RPL31: variants seen among roughly 807,000 people sequenced by gnomAD.
RPL31 encodes the protein ribosomal protein L31, also known as large ribosomal subunit protein eL31.
For missense variants in RPL31, 95 were observed against 164.0 expected (o/e 0.58, Z 2.30); for synonymous variants, 51 against 55.0 (o/e 0.93, Z 0.32).
chr2:101,019,102 A>C (rs981842181), exon 5 of RPL31: 3 of 1,571,372 alleles, frequency 1.9e-6, no homozygotes, highest in Non-Finnish European at 2.6e-6. Flanking sequence ...CCTGAGCTGC[A>C]GCAGATGCCT....
rs1417660858 is a variant in RPL31, at chr2:101,002,719, G to A, written c.18G>A (p.Lys6=). 2 of 1,614,114 alleles carry A rather than the reference G, an allele frequency of 1.2e-6. No individual in the cohort carries two copies. Among genetic ancestry groups the A allele is most frequent in the Admixed American group, 1.7e-5 (1 of 60,028 alleles). The part of the protein sequence containing the change: MAPAK[K]GGEKKKGRSA... ...GCATTTAGATGGCTCCCGCAAAGAA[G>A]GGTGGCGAGAAGAAAAAGGGCCGTT... is the stretch of plus-strand genomic sequence containing the variant. Residue 6 remains lysine, a synonymous_variant, in exon 2 of 5, where the codon AAG becomes AAA. Coordinates refer to ENST00000264258, the MANE Select transcript of RPL31 (RefSeq NM_000993.5).
downstream of RPL31, among the ~76,000 whole-genome samples, chr2:101,011,959 G>T (rs1404157506): frequency 1.3e-5 from 2 of 152,182 alleles, no homozygotes; most frequent in African/African-American, 4.8e-5. Context: ...TTTCAGGATA[G>T]TATTTCTCTA....
chr2:101,008,252 T>G, downstream of RPL31: 1 of 1,551,264 alleles, frequency 6.4e-7, no homozygotes, highest in South Asian at 1.2e-5. Flanking sequence ...TACAGAGTTT[T>G]ACAGAACTGG....
chr2:101,004,287 C>T lies in RPL31; in HGVS notation c.233+4C>T, dbSNP rs770477816. 2.5e-6 allele frequency: 4 copies of T among 1,613,744 alleles called. No homozygotes were observed. The East Asian group carries it at 6.7e-5, about 27-fold the overall frequency. On this transcript the variant is annotated splice_donor_region_variant and intron_variant, in intron 3 of 4. Coordinates refer to ENST00000264258, the MANE Select transcript of RPL31 (RefSeq NM_000993.5). The stretch of plus-strand genomic sequence containing the variant: ...CTGTCTGGGCCAAAGGAATAAGGTG[C>T]TAAAGTTATCTGTATTCGAAGGTGA...
At position 101,006,602 on chromosome 2, in the gene RPL31, A is replaced by C. The variant is rs937503079; in HGVS notation, c.*221A>C. 9 of 452,636 alleles carry C rather than the reference A, an allele frequency of 2.0e-5. No individual in the cohort carries two copies. In the Admixed American group the frequency reaches 3.3e-4, roughly 17 times the overall value. The allele number at this position is 452,636 out of a possible 1,614,324, so 28.0% of individuals were successfully genotyped here. ...AGAACCACTGTTCTGGGTAGTTGGG[A>C]TACTGAAGGCATATTGTTAATTATT... is the stretch of plus-strand genomic sequence containing the variant. On this transcript the variant is annotated 3_prime_UTR_variant, in exon 5 of 5. Coordinates refer to ENST00000264258, the MANE Select transcript of RPL31 (RefSeq NM_000993.5).
chr2:101,009,030 G>A (rs1678969699), downstream of RPL31, among the ~76,000 whole-genome samples: 1 of 152,178 alleles, frequency 6.6e-6, no homozygotes, highest in South Asian at 2.1e-4. Context: ...TGCTGAAATT[G>A]AGAATACGTA....
In RPL31 at chr2:101,019,019, C is replaced by A. The variant is rs764153043; in HGVS notation, c.368C>A (p.Thr123Lys). ...CTAGTTTCTGTGCTAAACAGTGTTA[C>A]AGTCGCCAAGAGCCCATAAAGGGAG... The change falls in exon 5 of 5, where the codon ACA becomes AAA. Residue 123 changes from threonine (T) to lysine (K), a missense_variant. By Grantham distance (78) the Thr-to-Lys change is moderately conservative. Coordinates refer to the RPL31 transcript ENST00000409028. 18 of 1,612,410 alleles carry A rather than the reference C, an allele frequency of 1.1e-5. 1 individual carries two copies. The South Asian group carries it at 1.7e-4, about 15-fold the overall frequency.
chr2:101,011,621 T>C (rs537620745), downstream of RPL31: 1,821 of 1,468,340 alleles, frequency 1.2e-3, 19 homozygotes, highest in Middle Eastern at 0.01. Context: ...TCTAGGCAAC[T>C]AAAGGCTAAG....
intron 4 of RPL31, among the ~76,000 whole-genome samples, chr2:101,015,814 C>G (rs78524330): frequency 6.6e-6 from 1 of 152,264 alleles, no homozygotes; most frequent in South Asian, 2.1e-4. Flanking sequence ...GAAAAACAAG[C>G]AATGGGGAAA....
chr2:101,007,566 A>T (rs915130003), downstream of RPL31: 8 of 485,204 alleles, frequency 1.6e-5, no homozygotes, highest in Admixed American at 3.6e-5. Context: ...AGAAGTGCCC[A>T]TTTCAGCAAA....
At chr2:101,017,368 A>C (rs951904589) in intron 4 of RPL31, among the ~76,000 whole-genome samples, 1 of 152,192 alleles carries the variant, frequency 6.6e-6, no homozygotes, top group African/African-American at 2.4e-5. Flanking sequence ...ACCCAGTATT[A>C]GGTGTTACAT....
intron 4 of RPL31, among the ~76,000 whole-genome samples, chr2:101,014,450 G>C (rs116258953): frequency 7.1e-4 from 108 of 152,250 alleles, no homozygotes; most frequent in African/African-American, 2.6e-3. Flanking sequence ...TTTGTGCCCT[G>C]TGAGATGCTG....
chr2:101,016,264 G>T (rs1254801130), intron 4 of RPL31, among the ~76,000 whole-genome samples: 1 of 152,124 alleles, frequency 6.6e-6, no homozygotes, highest in Non-Finnish European at 1.5e-5. Flanking sequence ...GTAGGCAAAG[G>T]ATATGAACAG....
At chr2:101,018,794 A>G (rs370046799) in intron 4 of RPL31, among the ~76,000 whole-genome samples, 3 of 152,178 alleles carry the variant, frequency 2.0e-5, no homozygotes, top group East Asian at 1.9e-4. Context: ...GCAGTTTGTT[A>G]TGTTTCTTTC....
chr2:101,009,023 T>C (rs1573845807), downstream of RPL31, among the ~76,000 whole-genome samples: 8 of 152,322 alleles, frequency 5.3e-5, no homozygotes, highest in South Asian at 1.5e-3. Flanking sequence ...ACACTGCTGC[T>C]GAAATTGAGA....
At chr2:101,013,854 C>T (rs934115869) in intron 4 of RPL31, among the ~76,000 whole-genome samples, 7 of 152,218 alleles carry the variant, frequency 4.6e-5, no homozygotes, top group African/African-American at 1.4e-4. Context: ...ATAATCCCAT[C>T]TCCACCATGC....
At chr2:101,002,844 C>A in intron 2 of RPL31, 36 bp downstream of exon 2, 1 of 1,499,422 alleles carries the variant, frequency 6.7e-7, no homozygotes, top group South Asian at 1.1e-5. Context: ...GTCTCGAACT[C>A]ACGCGTCTGG....
exon 5 of RPL31, chr2:101,019,097 G>T: frequency 3.2e-6 from 5 of 1,576,332 alleles, no homozygotes; most frequent in Non-Finnish European, 4.3e-6. Context: ...TGCTTCCTGA[G>T]CTGCAGCAGA....
chr2:101,005,833 C>A (rs538725087), intron 3 of RPL31, 126 bp from the exon 4 acceptor site: 568 of 735,702 alleles, frequency 7.7e-4, no homozygotes, highest in Admixed American at 6.9e-4. Context: ...ACTGTAAGTT[C>A]TAGGTTGGTC....
Sources: gnomAD v4.1 joint callset for allele counts (sites outside exome capture counted in the v4.1 genomes callset) on GRCh38, gnomAD v4.1.1 for gene constraint, MANE v1.5 for transcripts, NCBI Gene and HGNC (gene_info 2026-07-23, HGNC 2026-07-21) for gene names.